PC: variants seen among roughly 807,000 people sequenced by gnomAD.
The protein encoded by PC is pyruvate carboxylase.
Under a neutral mutation model 107.8 loss-of-function variants are expected in PC, and 46 were observed. That is an observed-to-expected ratio of 0.43 (90% CI 0.34 to 0.55). The LOEUF (loss-of-function observed/expected upper bound fraction) is 0.55, where lower values mean the gene tolerates loss of function less well. Among genes scored for constraint, PC ranks in the 20% least tolerant of loss-of-function variants. PC has a pLI of 0.04. For synonymous variants in PC, 662 were observed against 684.7 expected, an observed-to-expected ratio of 0.97 and a Z score of 0.52; for missense variants, 1,241 against 1,643.1, an observed-to-expected ratio of 0.76 and a Z score of 4.23.
At chr11:66,923,251 A>C (rs958451504) in intron 3 of PC, among the ~76,000 whole-genome samples, 4 of 152,004 alleles carry the variant, frequency 2.6e-5, no homozygotes, top group Non-Finnish European at 5.9e-5. Context: ...AGTCCCAGCT[A>C]CTAGGGAGGC....
rs964081205 is a variant in PC, at chr11:66,857,109, CGCCGGGAAAAGGT to C, written c.1369-3739_1369-3727del. 6.1e-5 allele frequency: 9 copies of C among 147,822 alleles called. No homozygotes were observed. Among genetic ancestry groups the C allele is most frequent in the Admixed American group, 6.0e-4 (9 of 14,880 alleles). 9.2% of individuals were successfully genotyped at this position (147,822 alleles called of 1,614,324 possible). A position where few individuals can be genotyped will look rare whatever the true frequency, so the allele number is the denominator to read the frequency against. On this transcript the variant is annotated intron_variant, in intron 12 of 22. Coordinates refer to ENST00000393960, the MANE Select transcript of PC (RefSeq NM_001040716.2). This position sits in a 1 kb window ranked among gnomAD's most constrained non-coding sequence, Gnocchi z 7.1. The stretch of plus-strand genomic sequence containing the variant: ...CTGTCGCCGCCGCCACCGCTAACCG[CGCCGGGAAAAGGT>C]GCCGGGAACCGAGCGAGCCGGGGCC...
At chr11:66,859,953 G>A (rs749502649) in intron 12 of PC, 40 of 1,599,976 alleles carry the variant, frequency 2.5e-5, no homozygotes, top group African/African-American at 5.4e-5. Flanking sequence ...GCTCAGCCAC[G>A]TCCAGTCCCA....
At chr11:66,937,341 T>G (rs867570398) in intron 3 of PC, among the ~76,000 whole-genome samples, 3 of 152,228 alleles carry the variant, frequency 2.0e-5, no homozygotes, top group Non-Finnish European at 4.4e-5. Flanking sequence ...AGAAATGAGC[T>G]GTTAATCTGA....
At chr11:66,910,590 C>T (rs758140964) in intron 3 of PC, among the ~76,000 whole-genome samples, 6 of 152,190 alleles carry the variant, frequency 3.9e-5, no homozygotes, top group Non-Finnish European at 8.8e-5. Context: ...CACCATACGG[C>T]CGGTGGAAGC....
Position 66,852,613 on chromosome 11 carries a change from C to T in PC, c.1651G>A (p.Glu551Lys), listed in dbSNP as rs764737214. ...FRDILLREGP[E>K]GFARAVRNHP... The stretch of plus-strand genomic sequence containing the variant: ...TTCCGCACAGCTCGAGCAAAGCCCT[C>T]AGGCCCCTCTCGCAGCAGGATGTCT... The change falls in exon 15 of 23, where the codon GAG (glutamate) becomes AAG (lysine). Residue 551 changes from glutamate to lysine, a missense_variant. This residue lies in a region of PC where 1,143 missense variants were observed against 1,551.9 expected (regional missense o/e 0.74). Transcript: ENST00000393960. This position sits in a 1 kb window ranked among gnomAD's most constrained non-coding sequence, Gnocchi z 4.7. 1 of 1,614,000 alleles carries T rather than the reference C, an allele frequency of 6.2e-7. No homozygotes were observed. Among genetic ancestry groups the T allele is most frequent in the Non-Finnish European group, 8.5e-7 (1 of 1,179,952 alleles).
chr11:66,888,389 G>A (rs903336709), intron 3 of PC, among the ~76,000 whole-genome samples: 6 of 152,234 alleles, frequency 3.9e-5, no homozygotes, highest in African/African-American at 7.2e-5. Context: ...TGTGCCACCT[G>A]TGAGCCTGTC....
intron 3 of PC, among the ~76,000 whole-genome samples, chr11:66,912,532 C>G (rs576972818): frequency 6.6e-6 from 1 of 152,212 alleles, no homozygotes; most frequent in East Asian, 1.9e-4. Flanking sequence ...CTGACCTCAG[C>G]GCTGTGTGAC....
In PC at chr11:66,849,933, C is replaced by T; in HGVS notation, c.2898+4G>A. On this transcript the variant is annotated splice_donor_region_variant and intron_variant, in intron 20 of 22. Transcript: ENST00000393960. ...ACCCTCACACCATGCTGGGCCTTCC[C>T]TACCTTAGAGCGAAAGGGTTCGGGG... 1 of 1,613,578 alleles carries T rather than the reference C, an allele frequency of 6.2e-7. No individual in the cohort carries two copies. The highest frequency in any genetic ancestry group is 8.5e-7 in the Non-Finnish European group (1 of 1,180,026).
chr11:66,854,094 A>G (rs985770058), intron 12 of PC, among the ~76,000 whole-genome samples: 3 of 152,136 alleles, frequency 2.0e-5, no homozygotes, highest in African/African-American at 7.2e-5. Flanking sequence ...CAAAACCTGC[A>G]TCCCATCACC....
intron 3 of PC, among the ~76,000 whole-genome samples, chr11:66,904,160 A>G (rs1948077285): frequency 6.6e-6 from 1 of 151,998 alleles, no homozygotes; most frequent in African/African-American, 2.4e-5. Context: ...TTTCTGGCCT[A>G]TCTCCCACCC....
chr11:66,916,842 T>C (rs1436371433), intron 3 of PC, among the ~76,000 whole-genome samples: 1 of 151,840 alleles, frequency 6.6e-6, no homozygotes, highest in Non-Finnish European at 1.5e-5. Flanking sequence ...TAGTCTCAGC[T>C]ACTCAGGAGG....
At chr11:66,923,400 AGTC>A (rs1400282955) in intron 3 of PC, among the ~76,000 whole-genome samples, 5 of 151,662 alleles carry the variant, frequency 3.3e-5, no homozygotes, top group Admixed American at 6.6e-5. Flanking sequence ...AAAAAAAAGA[AGTC>A]GTGCTAGGCA....
intron 3 of PC, among the ~76,000 whole-genome samples, chr11:66,886,454 G>A (rs1332417414): frequency 6.6e-6 from 1 of 152,130 alleles, no homozygotes; most frequent in African/African-American, 2.4e-5. Flanking sequence ...GCAACTGAGA[G>A]CTCAGGACCA....
Position 66,863,795 on chromosome 11 carries a change from C to T in PC, c.1347G>A (p.Glu449=). The change falls in exon 12 of 23, where the codon GAG becomes GAA. Residue 449 remains glutamate, a synonymous_variant. Transcript: ENST00000393960. ...AATKMSRALA[E]FRVRGVKTNI... Reference sequence around the variant, plus strand: ...TCACCTTCACACCTCGGACGCGGAACTCCGCAAGGGCCCTGCTCATCTTGG... The same window carrying T: ...TCACCTTCACACCTCGGACGCGGAATTCCGCAAGGGCCCTGCTCATCTTGG... 6.2e-7 allele frequency: 1 copy of T among 1,612,294 alleles called. No individual in the cohort carries two copies. The highest frequency in any genetic ancestry group is 8.5e-7 in the Non-Finnish European group (1 of 1,179,388).
At chr11:66,944,021 C>G (rs1041408714) in intron 3 of PC, among the ~76,000 whole-genome samples, 1 of 141,238 alleles carries the variant, frequency 7.1e-6, no homozygotes, top group Non-Finnish European at 1.5e-5. Flanking sequence ...GTGGCTCACG[C>G]CTGTAATCCC....
intron 12 of PC, chr11:66,859,879 T>C: frequency 1.3e-6 from 2 of 1,564,370 alleles, no homozygotes; most frequent in Non-Finnish European, 1.7e-6. Flanking sequence ...GCTGCCTTAC[T>C]GGTCTTCACT....
intron 3 of PC, among the ~76,000 whole-genome samples, chr11:66,949,004 A>T (rs972090186): frequency 2.1e-4 from 32 of 151,132 alleles, no homozygotes; most frequent in Admixed American, 6.6e-4. Context: ...TATTATTATT[A>T]TTTTTTTGAG....
chr11:66,887,574 A>G (rs1006940403), intron 3 of PC, among the ~76,000 whole-genome samples: 22 of 152,242 alleles, frequency 1.4e-4, no homozygotes, highest in African/African-American at 5.1e-4. Context: ...CAGAAAGACT[A>G]ACATATGGAA....
At chr11:66,907,100 A>G (rs1413764715) in intron 3 of PC, among the ~76,000 whole-genome samples, 1 of 152,250 alleles carries the variant, frequency 6.6e-6, no homozygotes, top group African/African-American at 2.4e-5. Context: ...GGGCCTCCCC[A>G]TGACCACTGG....
Sources: allele counts gnomAD v4.1 joint callset (sites outside exome capture counted in the v4.1 genomes callset), GRCh38; gene constraint gnomAD v4.1.1; regional missense constraint gnomAD v4.1.1; non-coding constraint Gnocchi (gnomAD v3.1); transcripts MANE v1.5; gene names NCBI Gene and HGNC (gene_info 2026-07-23, HGNC 2026-07-21).